LRMDA: variants seen among roughly 807,000 people sequenced by gnomAD.
LRMDA encodes leucine-rich melanocyte differentiation-associated protein.
Under a neutral mutation model 29.8 loss-of-function variants are expected in LRMDA, and 18 were observed. The ratio of observed to expected loss-of-function variants is 0.60; its 90% CI spans 0.42 to 0.90. The LOEUF is 0.90. Ranked by LOEUF, LRMDA falls within the 40% of genes least tolerant of loss-of-function variation. The pLI, the probability that LRMDA is intolerant of heterozygous loss-of-function variation, is 0.00. For missense variants in LRMDA, 273 were observed against 273.9 expected, an observed-to-expected ratio of 1.00 and a Z score of 0.02; for synonymous variants, 125 against 109.4, an observed-to-expected ratio of 1.14 and a Z score of -0.89.
At position 76,148,486 on chromosome 10, in the gene LRMDA, C is replaced by T. The variant is rs11814698; in HGVS notation, c.516+89703C>T. The stretch of plus-strand genomic sequence containing the variant: ...GACACACGGTGGGCATAGGACCCTC[C>T]GAGCCATGTGTGGGATATAATCTCC... On this transcript the variant is annotated intron_variant, in intron 5 of 6. Transcript: ENST00000611255. 1.3e-3 allele frequency among the ~76,000 whole-genome samples: 194 copies of T among 152,250 alleles called. 1 individual carries two copies. Among genetic ancestry groups the T allele is most frequent in the African/African-American group, 4.2e-3 (176 of 41,552 alleles).
In LRMDA at chr10:76,476,382, A is replaced by G. The variant is rs541591454; in HGVS notation, c.602-80827A>G. ...CAAAATCACTTAATAGACCAAAAAC[A>G]GGCTCTGAAATTGAGGCAATAATTA... On this transcript the variant is annotated intron_variant, in intron 6 of 6. Coordinates refer to ENST00000611255, the MANE Select transcript of LRMDA (RefSeq NM_001305581.2). Among the ~76,000 whole-genome samples the G allele has an allele frequency of 6.9e-4, 105 of 152,290 alleles. 1 individual carries two copies. Among genetic ancestry groups the G allele is most frequent in the African/African-American group, 8.9e-4 (37 of 41,570 alleles).
intron 2 of LRMDA, among the ~76,000 whole-genome samples, chr10:75,636,319 TA>T (rs942735463): frequency 6.6e-5 from 10 of 152,212 alleles, no homozygotes; most frequent in African/African-American, 2.4e-4. Flanking sequence ...TTTTCTTTAT[TA>T]AATTTTCCCT....
intron 5 of LRMDA, among the ~76,000 whole-genome samples, chr10:76,139,883 G>C (rs1850167326): frequency 1.3e-5 from 2 of 152,054 alleles, no homozygotes; most frequent in Admixed American, 6.6e-5. Context: ...GGAGACAGTG[G>C]CTTTTAAATC....
intron 6 of LRMDA, among the ~76,000 whole-genome samples, chr10:76,334,442 A>C (rs1339069567): frequency 6.6e-6 from 1 of 152,212 alleles, no homozygotes; most frequent in African/African-American, 2.4e-5. Context: ...AAATGGTAAA[A>C]TCATGAAAAA....
At chr10:75,550,212 T>A (rs1306912805) in intron 2 of LRMDA, among the ~76,000 whole-genome samples, 1 of 152,180 alleles carries the variant, frequency 6.6e-6, no homozygotes, top group Non-Finnish European at 1.5e-5. Flanking sequence ...TAATTCAATT[T>A]GGTTGATAGT....
intron 6 of LRMDA, among the ~76,000 whole-genome samples, chr10:76,553,220 G>A (rs1021370511): frequency 2.0e-5 from 3 of 152,176 alleles, no homozygotes; most frequent in Non-Finnish European, 2.9e-5. Flanking sequence ...GCCTGACACA[G>A]GGCAAGCCTG....
At chr10:75,816,146 A>G (rs1844055513) in intron 2 of LRMDA, among the ~76,000 whole-genome samples, 1 of 152,096 alleles carries the variant, frequency 6.6e-6, no homozygotes, top group Admixed American at 6.5e-5. Flanking sequence ...TTTTTCCATT[A>G]TGGTTTCTTA....
chr10:75,770,795 G>A (rs1215972419), intron 2 of LRMDA, among the ~76,000 whole-genome samples: 1 of 152,200 alleles, frequency 6.6e-6, no homozygotes, highest in South Asian at 2.1e-4. Flanking sequence ...CTCATGCCAC[G>A]CTATTTCATC....
intron 5 of LRMDA, among the ~76,000 whole-genome samples, chr10:76,118,840 C>CTTTTTTTTT (rs962279433): frequency 6.5e-5 from 3 of 45,972 alleles, no homozygotes; most frequent in Non-Finnish European, 1.3e-4. Context: ...TGCAAATACA[C>CTTTTTTTTT]TTTTTTTTTT....
At chr10:75,898,702 G>A (rs1164824310) in intron 2 of LRMDA, among the ~76,000 whole-genome samples, 1 of 152,122 alleles carries the variant, frequency 6.6e-6, no homozygotes, top group African/African-American at 2.4e-5. Context: ...AAATGTCTAA[G>A]ATAAAAGACT....
intron 2 of LRMDA, among the ~76,000 whole-genome samples, chr10:75,977,579 A>ACT (rs1847096233): frequency 6.6e-6 from 1 of 152,208 alleles, no homozygotes; most frequent in Non-Finnish European, 1.5e-5. Flanking sequence ...CCTAAGTATC[A>ACT]GGTTTGCACT....
intron 2 of LRMDA, among the ~76,000 whole-genome samples, chr10:75,804,740 C>A (rs1843819206): frequency 1.3e-5 from 2 of 152,234 alleles, no homozygotes; most frequent in South Asian, 4.1e-4. Flanking sequence ...GGGCTGGCAG[C>A]AGCCCACATT....
chr10:76,129,216 A>G (rs1028794408), intron 5 of LRMDA, among the ~76,000 whole-genome samples: 3 of 152,072 alleles, frequency 2.0e-5, no homozygotes, highest in African/African-American at 4.8e-5. Flanking sequence ...ATTGTCACTC[A>G]TCTGTGGGCT....
At chr10:76,323,925 G>C (rs1278093742) in intron 5 of LRMDA, among the ~76,000 whole-genome samples, 3 of 152,194 alleles carry the variant, frequency 2.0e-5, no homozygotes, top group Non-Finnish European at 4.4e-5. Context: ...TTCCTATGGT[G>C]ACTTCATTCT....
chr10:76,065,161 T>A (rs963868129), intron 5 of LRMDA, among the ~76,000 whole-genome samples: 1 of 152,194 alleles, frequency 6.6e-6, no homozygotes, highest in South Asian at 2.1e-4. Context: ...TGAGGGAGAA[T>A]CACTTAAAGA....
chr10:76,473,870 C>G (rs1842642094), intron 6 of LRMDA, among the ~76,000 whole-genome samples: 1 of 151,540 alleles, frequency 6.6e-6, no homozygotes, highest in Non-Finnish European at 1.5e-5. Flanking sequence ...AGAAATACAT[C>G]CTATGTTCCT....
At chr10:76,481,335 C>A (rs996683043) in intron 6 of LRMDA, among the ~76,000 whole-genome samples, 3 of 143,578 alleles carry the variant, frequency 2.1e-5, no homozygotes, top group African/African-American at 8.4e-5. Context: ...CCTGAAATGA[C>A]CTTTTATTGG....
Position 76,429,031 on chromosome 10 carries a change from CACACACACAA to C in LRMDA, c.601+104556_601+104565del, listed in dbSNP as rs1371293151. Among the ~76,000 whole-genome samples, 22 of 151,800 alleles carry C rather than the reference CACACACACAA, an allele frequency of 1.4e-4. No individual in the cohort carries two copies. In the East Asian group the frequency reaches 3.9e-3, roughly 27 times the overall value. On this transcript the variant is annotated intron_variant, in intron 6 of 6. Coordinates refer to ENST00000611255, the MANE Select transcript of LRMDA (RefSeq NM_001305581.2). ...AATAACCCTGCCAATTATACACACA[CACACACACAA>C]ACACACACACACACACATTCCCCAC...
chr10:75,661,576 A>G (rs1358102670), intron 2 of LRMDA, among the ~76,000 whole-genome samples: 1 of 152,180 alleles, frequency 6.6e-6, no homozygotes, highest in Non-Finnish European at 1.5e-5. Context: ...GAGATGTGAT[A>G]AGAGAGTGTC....
Sources: allele counts gnomAD v4.1 joint callset (sites outside exome capture counted in the v4.1 genomes callset), GRCh38; gene constraint gnomAD v4.1.1; transcripts MANE v1.5; gene names NCBI Gene and HGNC (gene_info 2026-07-23, HGNC 2026-07-21).